KRT7: variants seen among roughly 807,000 people sequenced by gnomAD.
KRT7 encodes the protein keratin, type II cytoskeletal 7.
A neutral mutation model predicts 42.8 loss-of-function variants in KRT7; 50 were observed. That is an observed-to-expected ratio of 1.17 (90% CI 0.93 to 1.48). KRT7 has a LOEUF of 1.48. KRT7 is among the 40% of genes most tolerant of loss of function. KRT7 has a pLI of 0.00. For synonymous variants in KRT7, 268 were observed against 266.3 expected (o/e 1.01, Z -0.06); for missense variants, 588 against 637.6 (o/e 0.92, Z 0.84).
At chr12:52,246,904 AG>A (rs1418842066) in intron 7 of KRT7, among the ~76,000 whole-genome samples, 1 of 151,998 alleles carries the variant, frequency 6.6e-6, no homozygotes, top group African/African-American at 2.4e-5. Context: ...TGGGAAGAAA[AG>A]GGGACTGAAG....
At chr12:52,247,899 T>C (rs2121111119) in intron 7 of KRT7, 1 of 515,120 alleles carries the variant, frequency 1.9e-6, no homozygotes. Flanking sequence ...CACAGGCCCA[T>C]GAATTTGGTC....
Position 52,245,674 on chromosome 12 carries a change from C to T in KRT7, c.1205+42C>T, listed in dbSNP as rs145650053. ...TGGAAAGGGGATGCTTCTAGGGCTC[C>T]GTGGGGTTTGGGGCTTGACATTCAT... On this transcript the variant is annotated intron_variant, in intron 7 of 8. Transcript: ENST00000331817. 4,101 of 1,610,020 alleles carry T rather than the reference C, an allele frequency of 2.5e-3. 11 individuals are homozygous for T. Among genetic ancestry groups the T allele is most frequent in the Middle Eastern group, 4.0e-3 (19 of 4,714 alleles).
At chr12:52,242,868 C>T (rs888064019) in intron 5 of KRT7, 144 bp from the exon 6 acceptor site, 25 of 902,274 alleles carry the variant, frequency 2.8e-5, no homozygotes, top group Non-Finnish European at 3.7e-5. Flanking sequence ...TGTCTGGTCT[C>T]CTGGCATCGG....
At chr12:52,234,518 T>C (rs1223590669) in intron 1 of KRT7, among the ~76,000 whole-genome samples, 11 of 152,140 alleles carry the variant, frequency 7.2e-5, no homozygotes, top group Admixed American at 2.6e-4. Flanking sequence ...TTAGATTTCA[T>C]AGGGGCCTCC....
At position 52,246,326 on chromosome 12, in the gene KRT7, C is replaced by T. The variant is rs936333; in HGVS notation, c.1205+694C>T. The T allele has an allele frequency of 7.2e-3, 1,090 of 152,322 alleles. 10 individuals carry two copies. Among genetic ancestry groups the T allele is most frequent in the Admixed American group, 6.7e-3 (102 of 15,306 alleles). The allele number at this position is 152,322 out of a possible 1,614,324, so 9.4% of individuals were successfully genotyped here. A position where few individuals can be genotyped will look rare whatever the true frequency, so the allele number is the denominator to read the frequency against. On this transcript the variant is annotated intron_variant, in intron 7 of 8. Coordinates refer to ENST00000331817, the MANE Select transcript of KRT7 (RefSeq NM_005556.4). ...TAAGACACCATGGCAACAGAGAATA[C>T]GTAGGACATGTTTCTGCCCTCAGGG...
chr12:52,233,762 C>A, intron 1 of KRT7, 142 bp downstream of exon 1: 1 of 828,510 alleles, frequency 1.2e-6, no homozygotes. Flanking sequence ...GGGACACGAT[C>A]TGGGGGTCCT....
chr12:52,245,293 G>T (rs1391259261), intron 6 of KRT7, 119 bp from the exon 7 acceptor site: 21 of 884,170 alleles, frequency 2.4e-5, no homozygotes, highest in Non-Finnish European at 3.7e-5. Context: ...TGGTACTTGG[G>T]GGAGTAGGTG....
chr12:52,248,358 C>A, intron 8 of KRT7, 147 bp downstream of exon 8: 2 of 937,038 alleles, frequency 2.1e-6, no homozygotes, highest in Non-Finnish European at 3.3e-6. Context: ...TCCCCTGGAG[C>A]ACATACTGCC....
chr12:52,244,610 C>T (rs954452293), intron 6 of KRT7: 63 of 985,706 alleles, frequency 6.4e-5, no homozygotes, highest in African/African-American at 8.7e-5. Flanking sequence ...AGAGAATGGC[C>T]GGTAAGAAGG....
At chr12:52,250,565 G>C (rs894916111), downstream of KRT7, 4 of 1,252,712 alleles carry the variant, frequency 3.2e-6, no homozygotes, top group Non-Finnish European at 4.5e-6. Context: ...GGGCACTGCA[G>C]ACGCTGCCCG....
At chr12:52,234,451 C>T (rs1007985010) in intron 1 of KRT7, among the ~76,000 whole-genome samples, 3 of 152,148 alleles carry the variant, frequency 2.0e-5, no homozygotes, top group Non-Finnish European at 2.9e-5. Flanking sequence ...GAAGTGTACT[C>T]CCACACCCGC....
downstream of KRT7, chr12:52,253,678 T>G: frequency 6.8e-7 from 1 of 1,466,466 alleles, no homozygotes; most frequent in Non-Finnish European, 9.3e-7. Context: ...ATCTCAGTGA[T>G]GACACAGTGC....
At chr12:52,253,123 A>C, downstream of KRT7, 1 of 1,223,490 alleles carries the variant, frequency 8.2e-7, no homozygotes, top group Non-Finnish European at 1.2e-6. Flanking sequence ...CCTTGTCCCC[A>C]CACACTGGCA....
chr12:52,245,577 G>A lies in KRT7; in HGVS notation c.1150G>A (p.Ala384Thr). ...CCAGGAACTCATGAGCGTGAAGCTG[G>A]CCCTGGACATCGAGATCGCCACCTA... is the stretch of plus-strand genomic sequence containing the variant. ...EYQELMSVKL[A>T]LDIEIATYRK... is the part of the protein sequence containing the mutation. Residue 384 changes from alanine (A) to threonine (T), a missense_variant, in exon 7 of 9, where the codon GCC becomes ACC. Transcript: ENST00000331817. 1 of 1,614,080 alleles carries A rather than the reference G, an allele frequency of 6.2e-7. No individual in the cohort carries two copies. The highest frequency in any genetic ancestry group is 8.5e-7 in the Non-Finnish European group (1 of 1,180,044).
At chr12:52,240,082 T>G (rs1592391359) in intron 4 of KRT7, among the ~76,000 whole-genome samples, 1 of 152,182 alleles carries the variant, frequency 6.6e-6, no homozygotes, top group East Asian at 1.9e-4. Flanking sequence ...GAAGTTTCTT[T>G]GAGGCTTGCT....
At chr12:52,252,631 G>T, downstream of KRT7, 1 of 972,028 alleles carries the variant, frequency 1.0e-6, no homozygotes, top group Non-Finnish European at 1.5e-6. Flanking sequence ...AGGCATGTTT[G>T]CACAGTGTCT....
intron 6 of KRT7, among the ~76,000 whole-genome samples, chr12:52,244,842 G>T (rs1307968676): frequency 1.3e-5 from 2 of 152,048 alleles, no homozygotes; most frequent in Non-Finnish European, 2.9e-5. Flanking sequence ...ATGGCATCTG[G>T]GGGCATCTAG....
chr12:52,250,485 C>A, downstream of KRT7: 2 of 647,626 alleles, frequency 3.1e-6, no homozygotes, highest in Non-Finnish European at 5.5e-6. Context: ...GCGCACGGAG[C>A]GGCCGCTGCC....
chr12:52,237,596 G>A lies in KRT7; in HGVS notation c.597+27G>A, dbSNP rs35896716. 66 of 1,504,674 alleles carry A rather than the reference G, an allele frequency of 4.4e-5. No individual in the cohort carries two copies. The African/African-American group carries it at 1.4e-3, about 31-fold the overall frequency. The allele number at this position is 1,504,674 out of a possible 1,614,324, so 93.2% of individuals were successfully genotyped here. ...TGAGTGGGAAAGACAGGCTCGAGGA[G>A]GGTTGTCTGAAAACATGGGACAAAG... On this transcript the variant is annotated intron_variant, in intron 3 of 8. Coordinates refer to ENST00000331817, the MANE Select transcript of KRT7 (RefSeq NM_005556.4).
Sources: gnomAD v4.1 joint callset for allele counts (sites outside exome capture counted in the v4.1 genomes callset) on GRCh38, gnomAD v4.1.1 for gene constraint, MANE v1.5 for transcripts, NCBI Gene and HGNC (gene_info 2026-07-23, HGNC 2026-07-21) for gene names.